CHST9: variants seen among roughly 807,000 people sequenced by gnomAD.
CHST9 encodes the protein carbohydrate sulfotransferase 9.
In CHST9, 41 loss-of-function variants were observed where a neutral mutation model predicts 44.4. The observed-to-expected ratio is 0.92, with a 90% confidence interval of 0.72 to 1.20. CHST9 has a LOEUF of 1.20. Among genes scored for constraint, CHST9 ranks in the 50% most tolerant of loss-of-function variants. The pLI is 0.00. For missense variants in CHST9, 504 were observed against 516.5 expected, an observed-to-expected ratio of 0.98 and a Z score of 0.23; for synonymous variants, 171 against 178.4, an observed-to-expected ratio of 0.96 and a Z score of 0.33.
intron 2 of CHST9, among the ~76,000 whole-genome samples, chr18:27,118,794 AGTCCCACAGTCTT>A (rs1350025916): frequency 3.3e-5 from 5 of 152,236 alleles, no homozygotes; most frequent in Non-Finnish European, 5.9e-5. Flanking sequence ...CTTCCCAAGT[AGTCCCACAGTCTT>A]GCCAGAATGG....
chr18:27,102,479 G>C (rs894011982), intron 2 of CHST9, among the ~76,000 whole-genome samples: 3 of 152,054 alleles, frequency 2.0e-5, no homozygotes, highest in Non-Finnish European at 4.4e-5. Context: ...ACTATAAAAA[G>C]GGTCTAAAAT....
rs562443320 is a variant in CHST9, at chr18:27,089,390, G to C, written c.122-40887C>G. 2.0e-5 allele frequency among the ~76,000 whole-genome samples: 3 copies of C among 151,332 alleles called. No homozygotes were observed. In the South Asian group the frequency reaches 6.3e-4, roughly 32 times the overall value. ...CTATGGGTGAGAATGTGCGGTGTTT[G>C]GTTTTCAGTCCTTGTGATAGTTTGT... On this transcript the variant is annotated intron_variant, in intron 2 of 5. Transcript: ENST00000618847.
At chr18:26,984,205 G>A (rs2145196250) in intron 4 of CHST9, among the ~76,000 whole-genome samples, 1 of 152,296 alleles carries the variant, frequency 6.6e-6, no homozygotes, top group East Asian at 1.9e-4. Flanking sequence ...AACATTTATA[G>A]GGATTTTGTG....
chr18:27,157,762 T>C (rs1357734398), intron 1 of CHST9, among the ~76,000 whole-genome samples: 4 of 152,052 alleles, frequency 2.6e-5, no homozygotes, highest in South Asian at 2.1e-4. Context: ...GCAGAAATAA[T>C]ATATAACTCT....
chr18:27,148,627 T>C (rs1253600786), intron 1 of CHST9, among the ~76,000 whole-genome samples: 1 of 151,166 alleles, frequency 6.6e-6, no homozygotes, highest in Non-Finnish European at 1.5e-5. Context: ...ATGGTGTATA[T>C]GTGCCACATT....
chr18:26,922,427 A>T (rs913554116), intron 5 of CHST9, among the ~76,000 whole-genome samples: 2 of 151,754 alleles, frequency 1.3e-5, no homozygotes, highest in Non-Finnish European at 2.9e-5. Flanking sequence ...TGTTGGAAAA[A>T]CTCTTTTAAC....
chr18:27,145,281 T>TCCTAGGTTC (rs1450360283), intron 1 of CHST9, among the ~76,000 whole-genome samples: 1 of 152,150 alleles, frequency 6.6e-6, no homozygotes, highest in Non-Finnish European at 1.5e-5. Context: ...AACCTCCACC[T>TCCTAGGTTC]CCTAGGTTCA....
chr18:27,002,819 TA>T (rs2056969331), intron 4 of CHST9, among the ~76,000 whole-genome samples: 4 of 152,178 alleles, frequency 2.6e-5, no homozygotes, highest in Admixed American at 2.6e-4. Flanking sequence ...TATGCAATGT[TA>T]AAGTAATGAC....
chr18:27,182,208 GA>G (rs2143986454), intron 1 of CHST9, among the ~76,000 whole-genome samples: 1 of 152,186 alleles, frequency 6.6e-6, no homozygotes, highest in African/African-American at 2.4e-5. Context: ...TTAGGATACA[GA>G]AAAATAAGAT....
At chr18:27,013,288 C>T (rs925374864) in intron 4 of CHST9, among the ~76,000 whole-genome samples, 14 of 152,150 alleles carry the variant, frequency 9.2e-5, no homozygotes, top group Non-Finnish European at 1.6e-4. Flanking sequence ...ATGTTACACG[C>T]GCTGAATATA....
rs924080752 is a variant in CHST9 at position 27,028,354 on chromosome 18, C to T, written c.161-4197G>A. 2.0e-5 allele frequency among the ~76,000 whole-genome samples: 3 copies of T among 152,182 alleles called. No homozygotes were observed. In the East Asian group the frequency reaches 5.8e-4, roughly 29 times the overall value. On this transcript the variant is annotated intron_variant, in intron 3 of 5. Transcript: ENST00000618847. ...TGAATAATTATATGAACTAGCAAAA[C>T]TGGCACAGCACATCTGGGTACAAAC... is the stretch of plus-strand genomic sequence containing the variant.
In CHST9 at chr18:26,940,883, T is replaced by C. The variant is rs7234314; in HGVS notation, c.240+3446A>G. Among the ~76,000 whole-genome samples, 985 of 152,190 alleles carry C rather than the reference T, an allele frequency of 6.5e-3. 10 individuals are homozygous for C. Among genetic ancestry groups the C allele is most frequent in the African/African-American group, 0.022 (925 of 41,528 alleles). The stretch of plus-strand genomic sequence containing the variant: ...CCTAAGCCAAGATGGCTGGGATCCT[T>C]ATAAGAAGGGGAGGGACACAAAGGG... On this transcript the variant is annotated intron_variant, in intron 5 of 5. Coordinates refer to ENST00000618847, the MANE Select transcript of CHST9 (RefSeq NM_031422.6).
At chr18:26,947,717 A>G (rs375574111) in intron 4 of CHST9, among the ~76,000 whole-genome samples, 2 of 152,248 alleles carry the variant, frequency 1.3e-5, no homozygotes, top group Non-Finnish European at 1.5e-5. Flanking sequence ...CACACCAGTT[A>G]GAATAGCGAT....
chr18:26,928,507 C>T (rs1265757504), intron 5 of CHST9: 1 of 127,718 alleles, frequency 7.8e-6, no homozygotes, highest in Admixed American at 8.7e-5. Context: ...AGGACAATGT[C>T]ATCATTTGTG....
chr18:26,956,722 T>G (rs2056331349), intron 4 of CHST9, among the ~76,000 whole-genome samples: 1 of 152,154 alleles, frequency 6.6e-6, no homozygotes, highest in African/African-American at 2.4e-5. Context: ...TAGGGGGATA[T>G]GTTTTAACTA....
intron 2 of CHST9, among the ~76,000 whole-genome samples, chr18:27,049,988 C>T (rs1453998773): frequency 3.3e-5 from 5 of 152,054 alleles, no homozygotes; most frequent in South Asian, 2.1e-4. Context: ...GTGCAGGCTC[C>T]GGTACCACAA....
intron 5 of CHST9, chr18:26,933,506 T>C (rs1277986957): frequency 6.5e-6 from 1 of 153,446 alleles, no homozygotes; most frequent in Non-Finnish European, 1.5e-5. Flanking sequence ...TTGTCTTAGA[T>C]TGCTCATTCC....
At chr18:26,958,397 A>C (rs750471345) in intron 4 of CHST9, among the ~76,000 whole-genome samples, 10 of 152,058 alleles carry the variant, frequency 6.6e-5, no homozygotes, top group Non-Finnish European at 1.2e-4. Flanking sequence ...AAGCCTAGGA[A>C]ACACGATTCT....
At chr18:27,032,679 T>G (rs367827629) in intron 3 of CHST9, among the ~76,000 whole-genome samples, 1 of 152,198 alleles carries the variant, frequency 6.6e-6, no homozygotes, top group Admixed American at 6.5e-5. Context: ...ACAAAAAAAT[T>G]GCTAAAATGT....
Sources: allele counts gnomAD v4.1 joint callset (sites outside exome capture counted in the v4.1 genomes callset), GRCh38; gene constraint gnomAD v4.1.1; transcripts MANE v1.5; gene names NCBI Gene and HGNC (gene_info 2026-07-23, HGNC 2026-07-21).